Variants in CPNE9 observed in about 807,000 individuals in gnomAD.
CPNE9 encodes the protein copine-9.
Under a neutral mutation model 83.0 loss-of-function variants are expected in CPNE9, and 59 were observed. That is an observed-to-expected ratio of 0.71 (90% CI 0.58 to 0.88). CPNE9 has a LOEUF of 0.88. Among genes scored for constraint, CPNE9 ranks in the 40% least tolerant of loss-of-function variants. The pLI is 0.00. For synonymous variants in CPNE9, 256 were observed against 273.4 expected, an observed-to-expected ratio of 0.94 and a Z score of 0.63; for missense variants, 619 against 720.8, an observed-to-expected ratio of 0.86 and a Z score of 1.62.
In CPNE9 at chr3:9,727,126, G is replaced by A; in HGVS notation, c.1416G>A (p.Leu472=). Residue 472 remains leucine, a synonymous_variant, in exon 20 of 21, where the codon TTG becomes TTA. Coordinates refer to ENST00000383832, the MANE Select transcript of CPNE9 (RefSeq NM_153635.3). ...TCTTTTCTGCAGCAATGGAAGAGTT[G>A]GACGGTGATGATGTGCGCGTGTCCT... ...GPAMFEAMEE[L]DGDDVRVSSR... 1 of 1,614,162 alleles carries A rather than the reference G, an allele frequency of 6.2e-7. No homozygotes were observed. Among genetic ancestry groups the A allele is most frequent in the African/African-American group, 1.3e-5 (1 of 75,054 alleles).
Position 9,726,020 on chromosome 3 carries a change from A to C in CPNE9, c.1313A>C (p.Asp438Ala), listed in dbSNP as rs2076781601. The C allele has an allele frequency of 6.2e-7, 1 of 1,609,994 alleles. No individual in the cohort carries two copies. The highest frequency in any genetic ancestry group is 8.5e-7 in the Non-Finnish European group (1 of 1,178,210). Residue 438 changes from aspartate (D) to alanine (A), a missense_variant, in exon 18 of 21, where the codon GAC (aspartate) becomes GCC (alanine). Asp to Ala is a moderately radical substitution (Grantham distance 126). Coordinates refer to ENST00000383832, the MANE Select transcript of CPNE9 (RefSeq NM_153635.3). ...LLIITDGVIS[D>A]MTQTKEAIVS... ...ATCATCACTGATGGGGTCATCTCTG[A>C]CATGACGCAGACCAAGGAGGCCATC...
rs368887169 is a variant in CPNE9 at position 9,712,938 on chromosome 3, G to A, written c.546-37G>A. The stretch of plus-strand genomic sequence containing the variant: ...CTGGATTCAGTCCTACCCCGGGCAC[G>A]AGATAAATTATACCAATTCTTCCCA... On this transcript the variant is annotated intron_variant, in intron 9 of 20. Transcript: ENST00000383832. 166 of 1,590,322 alleles carry A rather than the reference G, an allele frequency of 1.0e-4. 1 individual carries two copies. Among genetic ancestry groups the A allele is most frequent in the East Asian group, 6.7e-5 (3 of 44,738 alleles).
At chr3:9,715,000 C>A (rs768681767) in intron 11 of CPNE9, 45 bp downstream of exon 11, 3 of 1,562,756 alleles carry the variant, frequency 1.9e-6, no homozygotes, top group Admixed American at 1.7e-5. Flanking sequence ...TTGACCCAAG[C>A]AGTTCTCAAT....
chr3:9,717,038 T>C lies in CPNE9; in HGVS notation c.885-20T>C, dbSNP rs2076690084. On this transcript the variant is annotated intron_variant, in intron 14 of 20. Transcript: ENST00000383832. ...TAATCATTAGTTCCTCACTTCTCAA[T>C]TCATCTGCTTCCCCAACAGGACACA... The C allele has an allele frequency of 6.2e-7, 1 of 1,613,732 alleles. No individual in the cohort carries two copies. The highest frequency in any genetic ancestry group is 8.5e-7 in the Non-Finnish European group (1 of 1,179,712).
chr3:9,704,209 T>C lies in CPNE9; in HGVS notation c.68+145T>C. ...CACAGCTGATGACAGGGCGAGTAGC[T>C]GGTGGGATCGAGAAGCGGGGGGTCT... is the stretch of plus-strand genomic sequence containing the variant. On this transcript the variant is annotated intron_variant, in intron 1 of 20. Transcript: ENST00000383832. The surrounding 1 kb of genome is among the most constrained non-coding windows in gnomAD (Gnocchi z 7.1). 1.3e-6 allele frequency: 1 copy of C among 794,422 alleles called. No individual in the cohort carries two copies. The highest frequency in any genetic ancestry group is 1.7e-5 in the South Asian group (1 of 57,512). The allele number at this position is 794,422 out of a possible 1,614,324, so 49.2% of individuals were successfully genotyped here.
chr3:9,729,126 A>T (rs1220898651), intron 20 of CPNE9, among the ~76,000 whole-genome samples: 1 of 152,174 alleles, frequency 6.6e-6, no homozygotes, highest in Non-Finnish European at 1.5e-5. Flanking sequence ...AAGCCAGAAG[A>T]GTGTGGTATC....
At chr3:9,715,590 C>A in intron 13 of CPNE9, 64 bp downstream of exon 13, 2 of 1,377,480 alleles carry the variant, frequency 1.5e-6, no homozygotes, top group Non-Finnish European at 2.1e-6. Flanking sequence ...ATTGACACAG[C>A]ATGGCAAATA....
rs150187273 is a variant in CPNE9, at chr3:9,710,077, A to T, written c.378-2464A>T. On this transcript the variant is annotated intron_variant, in intron 7 of 20. Transcript: ENST00000383832. ...CATAGTGTAATCCCAGCTACTCTGG[A>T]GGCTGAGGTGAGAGAATCACTTGAG... 7.2e-3 allele frequency among the ~76,000 whole-genome samples: 1,090 copies of T among 151,998 alleles called. 17 individuals carry two copies. Among genetic ancestry groups the T allele is most frequent in the Non-Finnish European group, 8.0e-3 (541 of 67,964 alleles).
At chr3:9,705,090 T>A in intron 4 of CPNE9, 96 bp downstream of exon 4, 2 of 875,904 alleles carry the variant, frequency 2.3e-6, no homozygotes, top group Non-Finnish European at 1.8e-6. Flanking sequence ...TCCGGCCTGG[T>A]TCTTCTCGCA....
chr3:9,711,359 C>G (rs375934), intron 7 of CPNE9, among the ~76,000 whole-genome samples: 22,606 of 150,732 alleles, frequency 0.15, 2,001 homozygotes, highest in African/African-American at 0.25. Flanking sequence ...CCCGCCACCA[C>G]GCCCAGCTAA....
chr3:9,718,989 A>G (rs1252096956), intron 17 of CPNE9, among the ~76,000 whole-genome samples: 1 of 151,606 alleles, frequency 6.6e-6, no homozygotes, highest in Non-Finnish European at 1.5e-5. Flanking sequence ...GGCGCATGCC[A>G]CCACACTTGG....
rs185219709 is a variant in CPNE9 at position 9,714,486 on chromosome 3, A to G, written c.651-428A>G. ...AGTCATTTACTAGCTATGAGATCTT[A>G]GCCAAATTACTTTTTTTTTTTTGTA... On this transcript the variant is annotated intron_variant, in intron 10 of 20. Coordinates refer to ENST00000383832, the MANE Select transcript of CPNE9 (RefSeq NM_153635.3). 9.2e-5 allele frequency among the ~76,000 whole-genome samples: 14 copies of G among 151,568 alleles called. No individual in the cohort carries two copies. In the East Asian group the frequency reaches 2.3e-3, roughly 25 times the overall value.
intron 10 of CPNE9, among the ~76,000 whole-genome samples, chr3:9,714,639 T>TAAAAAA (rs34491669): frequency 1.1e-4 from 11 of 103,350 alleles, no homozygotes; most frequent in Admixed American, 2.1e-4. Context: ...CTCAAAGTGG[T>TAAAAAA]AAAAAAAAAA....
intron 13 of CPNE9, 90 bp from the exon 14 acceptor site, chr3:9,715,884 G>T (rs1267214838): frequency 4.6e-6 from 5 of 1,093,148 alleles, no homozygotes; most frequent in Non-Finnish European, 6.8e-6. Context: ...CCCATCACGT[G>T]CCTCTTTCCA....
chr3:9,706,196 C>T, intron 7 of CPNE9, 133 bp downstream of exon 7: 1 of 745,006 alleles, frequency 1.3e-6, no homozygotes, highest in Admixed American at 2.7e-5. Flanking sequence ...TCCCATCACC[C>T]TCGTAGAAAA....
chr3:9,704,814 T>G lies in CPNE9; in HGVS notation c.156+19T>G, dbSNP rs879067297. ...GCGGGAGGTGAGTCCCAGAGCCCCC[T>G]CCCGGCCCAGGGCGTCGCCCGGGAA... On this transcript the variant is annotated intron_variant, in intron 3 of 20. Coordinates refer to ENST00000383832, the MANE Select transcript of CPNE9 (RefSeq NM_153635.3). This position sits in a 1 kb window ranked among gnomAD's most constrained non-coding sequence, Gnocchi z 7.1. The G allele has an allele frequency of 4.4e-6, 7 of 1,588,190 alleles. No homozygotes were observed. Among genetic ancestry groups the G allele is most frequent in the Non-Finnish European group, 6.0e-6 (7 of 1,167,812 alleles).
rs368004219 is a variant in CPNE9, at chr3:9,704,882, C to A, written c.157-9C>A. On this transcript the variant is annotated splice_polypyrimidine_tract_variant and intron_variant, in intron 3 of 20. Coordinates refer to ENST00000383832, the MANE Select transcript of CPNE9 (RefSeq NM_153635.3). The surrounding 1 kb of genome is among the most constrained non-coding windows in gnomAD (Gnocchi z 7.1). Reference sequence around the variant, plus strand: ...ACGTCCCACGCTGACCCTCCACCCCCCTACCCAGTTCGGACGGACCGAGGT... The same window carrying A: ...ACGTCCCACGCTGACCCTCCACCCCACTACCCAGTTCGGACGGACCGAGGT... The A allele has an allele frequency of 1.2e-6, 2 of 1,611,052 alleles. No homozygotes were observed. The highest frequency in any genetic ancestry group is 3.3e-5 in the Admixed American group (2 of 59,894).
intron 15 of CPNE9, among the ~76,000 whole-genome samples, chr3:9,717,403 C>T (rs945565094): frequency 1.3e-5 from 2 of 152,004 alleles, no homozygotes; most frequent in Non-Finnish European, 2.9e-5. Flanking sequence ...ATGCATAGAT[C>T]CATGAACAAA....
chr3:9,703,882 AGCCGCCGCC>A lies in CPNE9; in HGVS notation c.-107_-99del, dbSNP rs887154966. On this transcript the variant is annotated 5_prime_UTR_variant, in exon 1 of 21. Coordinates refer to ENST00000383832, the MANE Select transcript of CPNE9 (RefSeq NM_153635.3). ...GCGCACGCAGGGCTGGAGCGAGTGC[AGCCGCCGCC>A]GCCGCCGACACCGCGGCACATGGGC... 2.2e-5 allele frequency: 18 copies of A among 821,104 alleles called. No individual in the cohort carries two copies. In the African/African-American group the frequency reaches 3.0e-4, roughly 14 times the overall value. 50.9% of individuals were successfully genotyped at this position (821,104 alleles called of 1,614,324 possible). A position where few individuals can be genotyped will look rare whatever the true frequency, so the allele number is the denominator to read the frequency against.
Sources: allele counts gnomAD v4.1 joint callset (sites outside exome capture counted in the v4.1 genomes callset), GRCh38; gene constraint gnomAD v4.1.1; non-coding constraint Gnocchi (gnomAD v3.1); transcripts MANE v1.5; gene names NCBI Gene and HGNC (gene_info 2026-07-23, HGNC 2026-07-21).